The following RIMS2 variants were observed in gnomAD, a reference collection of about 807,000 sequenced individuals.
The protein encoded by RIMS2 is regulating synaptic membrane exocytosis protein 2.
A neutral mutation model predicts 174.4 loss-of-function variants in RIMS2; 59 were observed. The observed-to-expected ratio is 0.34, with a 90% CI of 0.27 to 0.42. The LOEUF (loss-of-function observed/expected upper bound fraction) is 0.42. Among genes scored for constraint, RIMS2 ranks in the 10% least tolerant of loss-of-function variants. The pLI, the probability that RIMS2 is intolerant of heterozygous loss-of-function variation, is 1.00. For missense variants in RIMS2, 1,620 were observed against 1,666.3 expected (o/e 0.97, Z 0.48); for synonymous variants, 606 against 572.5 (o/e 1.06, Z -0.84).
rs1332756923 is a variant in RIMS2 at position 103,767,497 on chromosome 8, C to A, written c.698+960C>A. Among the ~76,000 whole-genome samples, 6 of 152,034 alleles carry A rather than the reference C, an allele frequency of 3.9e-5. No homozygotes were observed. In the East Asian group the frequency reaches 9.6e-4, roughly 24 times the overall value. On this transcript the variant is annotated intron_variant, in intron 3 of 23. Coordinates refer to ENST00000504942, the Ensembl canonical transcript of RIMS2. ...ACCGTGCCCGGCCTATTTTTCTATA[C>A]CTTATTTTTCTGTTTGAATAAAGAT...
chr8:104,173,490 A>C (rs542336432), intron 19 of RIMS2, among the ~76,000 whole-genome samples: 21 of 151,956 alleles, frequency 1.4e-4, no homozygotes, highest in African/African-American at 5.1e-4. Flanking sequence ...AGTAATCTTT[A>C]ATTTTTTTAC....
intron 15 of RIMS2, among the ~76,000 whole-genome samples, chr8:103,966,032 T>G (rs1454118083): frequency 6.6e-6 from 1 of 152,156 alleles, no homozygotes; most frequent in Admixed American, 6.5e-5. Context: ...CATTGTTGGA[T>G]TCAGTGTGCT....
At chr8:103,555,658 A>G (rs1850091683) in intron 1 of RIMS2, among the ~76,000 whole-genome samples, 1 of 152,044 alleles carries the variant, frequency 6.6e-6, no homozygotes, top group African/African-American at 2.4e-5. Flanking sequence ...CTGGCCAGGC[A>G]TGGTGGTTAA....
intron 19 of RIMS2, among the ~76,000 whole-genome samples, chr8:104,053,836 G>A (rs1033770548): frequency 3.9e-5 from 6 of 152,032 alleles, no homozygotes; most frequent in African/African-American, 1.4e-4. Flanking sequence ...GAAGGATATA[G>A]AAACTTTAAA....
intron 1 of RIMS2, among the ~76,000 whole-genome samples, chr8:103,562,646 T>G (rs2091771944): frequency 6.6e-6 from 1 of 152,074 alleles, no homozygotes; most frequent in Non-Finnish European, 1.5e-5. Flanking sequence ...TATTCTGGGG[T>G]CTGGAGGACG....
intron 3 of RIMS2, among the ~76,000 whole-genome samples, chr8:103,873,947 C>T (rs925499602): frequency 1.3e-5 from 2 of 151,942 alleles, no homozygotes; most frequent in African/African-American, 4.8e-5. Context: ...TAATAGAAAC[C>T]CCAAATGAGG....
At chr8:103,912,279 A>G in intron 6 of RIMS2, 107 bp downstream of exon 9, 3 of 727,512 alleles carry the variant, frequency 4.1e-6, no homozygotes, top group South Asian at 6.0e-5. Context: ...GTATTTTTCC[A>G]TTTTCAATAG....
chr8:104,129,237 G>A (rs2098455053), intron 19 of RIMS2, among the ~76,000 whole-genome samples: 1 of 150,662 alleles, frequency 6.6e-6, no homozygotes. Flanking sequence ...AAAAAAAAAA[G>A]TAGCCACGTG....
At chr8:103,896,180 T>G (rs570331056) in intron 4 of RIMS2, among the ~76,000 whole-genome samples, 1 of 151,718 alleles carries the variant, frequency 6.6e-6, no homozygotes, top group South Asian at 2.1e-4. Flanking sequence ...GGACCACGCC[T>G]TAGGCTAGAA....
At chr8:104,077,582 A>G (rs1314146428) in intron 19 of RIMS2, among the ~76,000 whole-genome samples, 4 of 150,434 alleles carry the variant, frequency 2.7e-5, no homozygotes, top group Non-Finnish European at 5.9e-5. Context: ...GTCTATTGGT[A>G]TAGATATACC....
At chr8:103,793,832 A>G (rs549084938) in intron 3 of RIMS2, among the ~76,000 whole-genome samples, 17 of 152,342 alleles carry the variant, frequency 1.1e-4, no homozygotes, top group East Asian at 1.9e-4. Flanking sequence ...CCCATTCATA[A>G]TTACTACAAA....
chr8:104,011,830 T>G (rs1174969283), intron 17 of RIMS2, among the ~76,000 whole-genome samples: 1 of 152,034 alleles, frequency 6.6e-6, no homozygotes, highest in African/African-American at 2.4e-5. Context: ...AAAAATAGGC[T>G]TTAAGCAATT....
At chr8:104,159,464 T>C (rs1307611034) in intron 19 of RIMS2, among the ~76,000 whole-genome samples, 1 of 152,188 alleles carries the variant, frequency 6.6e-6, no homozygotes, top group Non-Finnish European at 1.5e-5. Context: ...GGGATAGCAT[T>C]GAACCTATAA....
At chr8:103,981,082 A>C (rs972663415) in intron 16 of RIMS2, among the ~76,000 whole-genome samples, 3 of 152,158 alleles carry the variant, frequency 2.0e-5, no homozygotes, top group Admixed American at 1.3e-4. Context: ...TTGAGTGAAC[A>C]TAGGTGATAG....
At chr8:103,833,825 C>T (rs2098840963) in intron 3 of RIMS2, among the ~76,000 whole-genome samples, 1 of 151,966 alleles carries the variant, frequency 6.6e-6, no homozygotes, top group Admixed American at 6.5e-5. Context: ...ATTTTAACAT[C>T]TGGGTTTGTT....
intron 1 of RIMS2, among the ~76,000 whole-genome samples, chr8:103,535,310 T>C (rs1178506743): frequency 6.6e-6 from 1 of 152,206 alleles, no homozygotes; most frequent in Non-Finnish European, 1.5e-5. Context: ...CTTAATTATT[T>C]CTACATAGTT....
intron 19 of RIMS2, among the ~76,000 whole-genome samples, chr8:104,239,728 A>G (rs2099276815): frequency 6.6e-6 from 1 of 152,206 alleles, no homozygotes; most frequent in Non-Finnish European, 1.5e-5. Flanking sequence ...TTAGTTTTAT[A>G]TTACAGTATA....
At chr8:103,697,560 C>CA (rs1013098651) in intron 2 of RIMS2, among the ~76,000 whole-genome samples, 19 of 134,998 alleles carry the variant, frequency 1.4e-4, no homozygotes, top group East Asian at 2.4e-4. Context: ...AAAAAAAAAA[C>CA]AAAAAAAACC....
chr8:103,710,774 G>T (rs928850131), intron 2 of RIMS2, among the ~76,000 whole-genome samples: 4 of 152,004 alleles, frequency 2.6e-5, no homozygotes, highest in African/African-American at 4.8e-5. Context: ...TAAATTATCA[G>T]ATTTGAAGCA....
Sources: gnomAD v4.1 joint callset for allele counts (sites outside exome capture counted in the v4.1 genomes callset) on GRCh38, gnomAD v4.1.1 for gene constraint, MANE v1.5 for transcripts, NCBI Gene and HGNC (gene_info 2026-07-23, HGNC 2026-07-21) for gene names.